Variants in CDC42SE2 observed in about 807,000 individuals in gnomAD.
The protein encoded by CDC42SE2 is CDC42 small effector 2.
Under a neutral mutation model 11.5 loss-of-function variants are expected in CDC42SE2, and 3 were observed. That is an observed-to-expected ratio of 0.26 (90% CI 0.12 to 0.67). The LOEUF (loss-of-function observed/expected upper bound fraction) is 0.67, where lower values mean the gene tolerates loss of function less well. Among genes scored for constraint, CDC42SE2 ranks in the 30% least tolerant of loss-of-function variants. The pLI is 0.80. For synonymous variants in CDC42SE2, 33 were observed against 34.8 expected, an observed-to-expected ratio of 0.95 and a Z score of 0.18; for missense variants, 82 against 106.8, an observed-to-expected ratio of 0.77 and a Z score of 1.02.
Position 131,392,671 on chromosome 5 carries a change from T to C in CDC42SE2, c.*1580T>C, listed in dbSNP as rs1285114324. 1 of 152,394 alleles carries C rather than the reference T, an allele frequency of 6.6e-6. No individual in the cohort carries two copies. The highest frequency in any genetic ancestry group is 1.5e-5 in the Non-Finnish European group (1 of 68,050). The allele number at this position is 152,394 out of a possible 1,614,324, so 9.4% of individuals were successfully genotyped here. A position where few individuals can be genotyped will look rare whatever the true frequency, so the allele number is the denominator to read the frequency against. The stretch of plus-strand genomic sequence containing the variant: ...ACAGGTGTGGTTATGTATCTGAGTG[T>C]TGCGGTCATACTCTCCTCCAGTCCA... On this transcript the variant is annotated 3_prime_UTR_variant, in exon 5 of 5. Transcript: ENST00000505065.
intron 2 of CDC42SE2, among the ~76,000 whole-genome samples, chr5:131,345,917 A>C (rs1423804699): frequency 6.6e-6 from 1 of 152,176 alleles, no homozygotes; most frequent in Non-Finnish European, 1.5e-5. Context: ...TAAGTGAAGG[A>C]GAAATAAAAT....
chr5:131,354,635 C>G (rs866664776), intron 2 of CDC42SE2: 9 of 151,894 alleles, frequency 5.9e-5, no homozygotes, highest in South Asian at 2.1e-4. Context: ...TTTTCATTTT[C>G]TTCATTTTTT....
chr5:131,375,346 G>C (rs1009818296), intron 3 of CDC42SE2, among the ~76,000 whole-genome samples: 3 of 151,884 alleles, frequency 2.0e-5, no homozygotes, highest in Non-Finnish European at 2.9e-5. Flanking sequence ...CTAAAGGACA[G>C]ATACCGACAG....
intron 2 of CDC42SE2, among the ~76,000 whole-genome samples, chr5:131,336,458 C>T (rs1389965697): frequency 5.3e-5 from 8 of 152,092 alleles, no homozygotes; most frequent in Non-Finnish European, 7.4e-5. Context: ...CTTGGAGTTG[C>T]TCTTCTCGAG....
At chr5:131,374,219 T>C (rs1750086150) in intron 3 of CDC42SE2, among the ~76,000 whole-genome samples, 1 of 152,204 alleles carries the variant, frequency 6.6e-6, no homozygotes, top group Admixed American at 6.5e-5. Flanking sequence ...CACTTAGCTA[T>C]TTAATCGGTT....
chr5:131,360,852 A>G (rs891158226), intron 3 of CDC42SE2, among the ~76,000 whole-genome samples: 14 of 152,202 alleles, frequency 9.2e-5, no homozygotes, highest in African/African-American at 3.4e-4. Context: ...GGCATGAGCC[A>G]CTGTGCCCTA....
chr5:131,373,596 C>G (rs1750070785), intron 3 of CDC42SE2, among the ~76,000 whole-genome samples: 1 of 152,112 alleles, frequency 6.6e-6, no homozygotes, highest in Admixed American at 6.5e-5. Flanking sequence ...TGAACATGAC[C>G]CGTGCACACT....
chr5:131,332,209 C>T (rs1220171290), intron 2 of CDC42SE2, among the ~76,000 whole-genome samples: 1 of 152,060 alleles, frequency 6.6e-6, no homozygotes. Flanking sequence ...TGAGTGAGAA[C>T]ATGCGGTGTT....
intron 3 of CDC42SE2, among the ~76,000 whole-genome samples, chr5:131,384,988 G>A (rs998719020): frequency 6.6e-6 from 1 of 151,006 alleles, no homozygotes; most frequent in Non-Finnish European, 1.5e-5. Flanking sequence ...TTAGTTCCCA[G>A]CTAGAACAGA....
At chr5:131,376,659 C>T (rs1750164677) in intron 3 of CDC42SE2, among the ~76,000 whole-genome samples, 1 of 152,160 alleles carries the variant, frequency 6.6e-6, no homozygotes, top group Non-Finnish European at 1.5e-5. Context: ...CCACCCTCTA[C>T]TCTCAGATGG....
intron 2 of CDC42SE2, among the ~76,000 whole-genome samples, chr5:131,319,784 G>T (rs996457594): frequency 6.6e-6 from 1 of 152,066 alleles, no homozygotes. Flanking sequence ...AGGCACGGTG[G>T]CTCACGCCTG....
At chr5:131,224,578 C>T in the CDC42SE2 span, among the ~76,000 whole-genome samples, 1 of 152,064 alleles carries the variant, frequency 6.6e-6, no homozygotes, top group East Asian at 1.9e-4. Flanking sequence ...CTGGCCTAAC[C>T]CAATAACCTC....
intron 3 of CDC42SE2, among the ~76,000 whole-genome samples, chr5:131,383,024 T>G (rs1475328906): frequency 6.6e-6 from 1 of 152,242 alleles, no homozygotes; most frequent in African/African-American, 2.4e-5. Context: ...AGAATTATGC[T>G]TTATCATTCC....
chr5:131,373,210 C>G (rs1023401641), intron 3 of CDC42SE2, among the ~76,000 whole-genome samples: 3 of 151,902 alleles, frequency 2.0e-5, no homozygotes, highest in African/African-American at 7.3e-5. Context: ...CTTCACAAGA[C>G]ATTAAAGGAG....
At chr5:131,230,698 G>A in the CDC42SE2 span, among the ~76,000 whole-genome samples, 52 of 152,294 alleles carry the variant, frequency 3.4e-4, 1 homozygote, top group African/African-American at 1.3e-3. Flanking sequence ...AAATGCAAAT[G>A]CAGGAAAGAA....
chr5:131,221,741 T>G, the CDC42SE2 span, among the ~76,000 whole-genome samples: 4 of 152,258 alleles, frequency 2.6e-5, no homozygotes, highest in African/African-American at 7.2e-5. Flanking sequence ...TTCATTTTTT[T>G]TCTCCTCAAC....
chr5:131,286,385 GTTTTTTTTT>G (rs33983324), intron 1 of CDC42SE2, among the ~76,000 whole-genome samples: 1 of 115,086 alleles, frequency 8.7e-6, no homozygotes, highest in African/African-American at 3.4e-5. Flanking sequence ...CACCTGGCCA[GTTTTTTTTT>G]TTTTTTTTTT....
intron 1 of CDC42SE2, among the ~76,000 whole-genome samples, chr5:131,298,509 T>C (rs1039116512): frequency 7.3e-5 from 11 of 151,604 alleles, no homozygotes; most frequent in Admixed American, 4.0e-4. Flanking sequence ...GTCACAAATA[T>C]AGGAATTCTT....
intron 1 of CDC42SE2, among the ~76,000 whole-genome samples, chr5:131,303,090 T>C (rs573461119): frequency 6.6e-6 from 1 of 152,302 alleles, no homozygotes; most frequent in East Asian, 1.9e-4. Flanking sequence ...TTTAAGTGAA[T>C]GATTATATGC....
Sources: gnomAD v4.1 joint callset for allele counts (sites outside exome capture counted in the v4.1 genomes callset) on GRCh38, gnomAD v4.1.1 for gene constraint, MANE v1.5 for transcripts, NCBI Gene and HGNC (gene_info 2026-07-23, HGNC 2026-07-21) for gene names.